Variants in ENTREP2 observed in about 807,000 individuals in gnomAD.
The protein encoded by ENTREP2 is endosomal transmembrane epsin interactor 2.
At chr15:29,143,825 G>A in the ENTREP2 span, among the ~76,000 whole-genome samples, 21 of 152,256 alleles carry the variant, frequency 1.4e-4, no homozygotes, top group Middle Eastern at 3.4e-3. Flanking sequence ...CAAAGAGGCC[G>A]ACATACAGGA....
At chr15:29,228,300 C>T in the ENTREP2 span, among the ~76,000 whole-genome samples, 1 of 150,922 alleles carries the variant, frequency 6.6e-6, no homozygotes, top group African/African-American at 2.4e-5. Flanking sequence ...GCCTGGGCAA[C>T]ACAGCAAGAC....
chr15:29,441,023 C>A, the ENTREP2 span, among the ~76,000 whole-genome samples: 10 of 152,174 alleles, frequency 6.6e-5, no homozygotes, highest in Non-Finnish European at 1.5e-5. Flanking sequence ...CCCATGTTCA[C>A]GGCAGCATTA....
the ENTREP2 span, chr15:29,269,193 T>C: frequency 1.2e-6 from 2 of 1,614,134 alleles, no homozygotes; most frequent in Non-Finnish European, 1.7e-6. Flanking sequence ...TGGGCGTGCC[T>C]TGGTCACCCC....
chr15:29,234,582 TATC>T, the ENTREP2 span: 161 of 1,482,568 alleles, frequency 1.1e-4, no homozygotes, highest in Non-Finnish European at 1.4e-4. Flanking sequence ...CTAATTAAAA[TATC>T]ATCTTCACAA....
the ENTREP2 span, among the ~76,000 whole-genome samples, chr15:29,414,114 T>G: frequency 6.6e-6 from 1 of 152,022 alleles, no homozygotes; most frequent in Non-Finnish European, 1.5e-5. Context: ...AACAAGGATA[T>G]CCAGGAATTG....
the ENTREP2 span, among the ~76,000 whole-genome samples, chr15:29,204,056 G>A: frequency 6.6e-6 from 1 of 152,170 alleles, no homozygotes; most frequent in African/African-American, 2.4e-5. Flanking sequence ...CTGAGTTTGT[G>A]ATTAATTCTT....
chr15:29,361,342 C>G, the ENTREP2 span, among the ~76,000 whole-genome samples: 1 of 152,184 alleles, frequency 6.6e-6, no homozygotes, highest in Non-Finnish European at 1.5e-5. Flanking sequence ...AAAGGACATG[C>G]TCTTCAAATG....
the ENTREP2 span, among the ~76,000 whole-genome samples, chr15:29,201,333 G>A: frequency 1.3e-5 from 2 of 152,094 alleles, no homozygotes; most frequent in African/African-American, 2.4e-5. Flanking sequence ...AAAATGGTAC[G>A]AATGAGCATG....
the ENTREP2 span, among the ~76,000 whole-genome samples, chr15:29,358,714 G>A: frequency 1.3e-5 from 2 of 151,772 alleles, no homozygotes; most frequent in Admixed American, 1.3e-4. Flanking sequence ...TTTACATAAA[G>A]TAAAGCACTC....
chr15:29,242,434 G>A, the ENTREP2 span, among the ~76,000 whole-genome samples: 2 of 152,148 alleles, frequency 1.3e-5, no homozygotes, highest in African/African-American at 4.8e-5. Flanking sequence ...ATAAAGTTTT[G>A]TTGCTGTCAT....
chr15:29,495,635 G>C, the ENTREP2 span, among the ~76,000 whole-genome samples: 3 of 151,970 alleles, frequency 2.0e-5, no homozygotes, highest in African/African-American at 7.3e-5. Flanking sequence ...AGGATATCCA[G>C]TTTTCCTAAC....
chr15:29,674,954 G>GCCCCGCTGGCTTCCCCTCTCCGCCAC, the ENTREP2 span: 1 of 151,458 alleles, frequency 6.6e-6, no homozygotes, highest in Non-Finnish European at 1.5e-5. Context: ...CCCTCCGCCA[G>GCCCCGCTGGCTTCCCCTCTCCGCCAC]CCCCGCTGGC....
chr15:29,124,631 C>T, the ENTREP2 span: 1 of 1,467,524 alleles, frequency 6.8e-7, no homozygotes, highest in Non-Finnish European at 9.3e-7. Flanking sequence ...CCCACCAACA[C>T]CCGCCCCACC....
At chr15:29,494,464 C>A in the ENTREP2 span, among the ~76,000 whole-genome samples, 25 of 152,276 alleles carry the variant, frequency 1.6e-4, no homozygotes, top group African/African-American at 6.0e-4. Context: ...AAAATGATTA[C>A]CACAATCAGG....
chr15:29,321,697 T>G, the ENTREP2 span, among the ~76,000 whole-genome samples: 1 of 151,688 alleles, frequency 6.6e-6, no homozygotes, highest in Non-Finnish European at 1.5e-5. Flanking sequence ...AAAGACTTTT[T>G]CGGAGAAAGG....
the ENTREP2 span, among the ~76,000 whole-genome samples, chr15:29,394,512 A>T: frequency 6.6e-6 from 1 of 152,246 alleles, no homozygotes; most frequent in Admixed American, 6.5e-5. Flanking sequence ...TAATGTCCAG[A>T]AAGAGACTTA....
At chr15:29,177,346 C>T in the ENTREP2 span, among the ~76,000 whole-genome samples, 2 of 152,194 alleles carry the variant, frequency 1.3e-5, no homozygotes, top group South Asian at 4.1e-4. Flanking sequence ...AACAGCAAGA[C>T]TGCACATGCT....
chr15:29,455,553 T>C, the ENTREP2 span, among the ~76,000 whole-genome samples: 49 of 152,364 alleles, frequency 3.2e-4, 1 homozygote, highest in South Asian at 9.5e-3. Flanking sequence ...TGTATGATAT[T>C]AGGTGAGGAC....
At chr15:29,548,459 A>AAAAAAAG in the ENTREP2 span, among the ~76,000 whole-genome samples, 1 of 151,860 alleles carries the variant, frequency 6.6e-6, no homozygotes, top group East Asian at 1.9e-4. Flanking sequence ...TGCCTAAAAA[A>AAAAAAAG]AAAAAAAAAG....
Sources: allele counts gnomAD v4.1 joint callset (sites outside exome capture counted in the v4.1 genomes callset), GRCh38; gene constraint gnomAD v4.1.1; transcripts MANE v1.5; gene names NCBI Gene and HGNC (gene_info 2026-07-23, HGNC 2026-07-21).